Variants in OBSL1 observed in about 807,000 individuals in gnomAD.
OBSL1 encodes obscurin-like protein 1.
In OBSL1, 160 loss-of-function variants were observed where a neutral mutation model predicts 172.0. That is an observed-to-expected ratio of 0.93 (90% CI 0.82 to 1.06). The LOEUF (loss-of-function observed/expected upper bound fraction) is 1.06. Ranked by LOEUF, OBSL1 falls within the 50% of genes least tolerant of loss-of-function variation. OBSL1 has a pLI of 0.00. For missense variants in OBSL1, 2,681 were observed against 2,715.4 expected (o/e 0.99, Z 0.28); for synonymous variants, 1,200 against 1,196.3 (o/e 1.00, Z -0.06).
rs1403754954 is a variant in OBSL1, at chr2:219,568,073, C to A, written c.1264G>T (p.Ala422Ser). Residue 422 changes from alanine (A) to serine (S), a missense_variant, in exon 2 of 21, where the codon GCC (alanine) becomes TCC (serine). Physicochemically the swap from Ala to Ser is moderately conservative, Grantham distance 99. Around this residue, in one of 5 missense-constraint regions of OBSL1, gnomAD observed 706 missense variants for 695.8 expected, o/e 1.01. Coordinates refer to ENST00000404537, the MANE Select transcript of OBSL1 (RefSeq NM_015311.3). The surrounding 1 kb of genome is among the most constrained non-coding windows in gnomAD (Gnocchi z 4.1). ...CEMRGRVRTV[A>S]NVTVKGPILK... is the part of the protein sequence containing the mutation. ...AGCTGACCTTTGACTGTGACGTTGG[C>A]CACGGTGCGCACCCGGCCCCGCATC... 1 of 1,610,084 alleles carries A rather than the reference C, an allele frequency of 6.2e-7. No individual in the cohort carries two copies. Among genetic ancestry groups the A allele is most frequent in the Admixed American group, 1.7e-5 (1 of 59,976 alleles).
At chr2:219,555,695 C>T (rs1435409091) in intron 14 of OBSL1, 7 of 1,145,766 alleles carry the variant, frequency 6.1e-6, no homozygotes, top group Middle Eastern at 3.6e-4. Context: ...GACAGCCATC[C>T]CTGCTACTTA....
In OBSL1 at chr2:219,566,829, C is replaced by G; in HGVS notation, c.2134+1G>C. The G allele has an allele frequency of 6.3e-7, 1 of 1,575,040 alleles. No homozygotes were observed. The highest frequency in any genetic ancestry group is 8.7e-7 in the Non-Finnish European group (1 of 1,153,846). On this transcript the variant is annotated splice_donor_variant, in intron 5 of 20. Coordinates refer to ENST00000404537, the MANE Select transcript of OBSL1 (RefSeq NM_015311.3). LOFTEE classifies it high-confidence loss of function. ...CCACTCAGGTCCCCACTGGCACCAA[C>G]CTTGGATTGTGAGGGCAGCTGAGTC...
At chr2:219,553,216 G>C (rs1162966502) in intron 16 of OBSL1, among the ~76,000 whole-genome samples, 192 bp from the exon 17 acceptor site, 2 of 152,194 alleles carry the variant, frequency 1.3e-5, no homozygotes, top group African/African-American at 4.8e-5. Context: ...TTGAAAAAGC[G>C]TCACCCTTTG....
In OBSL1 at chr2:219,550,829, G is replaced by T; in HGVS notation, c.*6C>A. 6.2e-7 allele frequency: 1 copy of T among 1,611,654 alleles called. No individual in the cohort carries two copies. Among genetic ancestry groups the T allele is most frequent in the Non-Finnish European group, 8.5e-7 (1 of 1,178,984 alleles). The stretch of plus-strand genomic sequence containing the variant: ...AAGGGCACCCGCCTGGCCTGGTTAG[G>T]TTCTCCTAGTTGCCTGCAGAGGAAT... On this transcript the variant is annotated 3_prime_UTR_variant, in exon 21 of 21. Transcript: ENST00000404537.
Position 219,571,299 on chromosome 2 carries a change from A to C in OBSL1, c.-67T>G. 1.2e-6 allele frequency: 1 copy of C among 802,970 alleles called. No individual in the cohort carries two copies. 49.7% of individuals were successfully genotyped at this position (802,970 alleles called of 1,614,324 possible). ...AGGGGGGGGTGCGGAGGGCGAGCCG[A>C]GGCCCGGGGCGGCGGGGTCGGGGCG... On this transcript the variant is annotated 5_prime_UTR_variant, in exon 1 of 21. Transcript: ENST00000404537.
Position 219,552,664 on chromosome 2 carries a change from G to T in OBSL1, c.5180C>A (p.Ser1727Ter). The change falls in exon 18 of 21, where the codon TCG (serine) becomes TAG (stop). Residue 1727 changes from serine to a stop codon, truncating the protein, a stop_gained. Coordinates refer to ENST00000404537, the MANE Select transcript of OBSL1 (RefSeq NM_015311.3). LOFTEE classifies it high-confidence loss of function. ...GCCGTCGCCTTCGCGGGCGCTCACC[G>T]ACCGCAGCTCGGAGAGTACCGCCAC... is the stretch of plus-strand genomic sequence containing the variant. ...RTVAVLSELR[S>*]VSAREGDGAT... 2 of 1,540,022 alleles carry T rather than the reference G, an allele frequency of 1.3e-6. No individual in the cohort carries two copies. The highest frequency in any genetic ancestry group is 2.4e-5 in the East Asian group (1 of 41,290).
chr2:219,547,980 G>T, downstream of OBSL1: 1 of 1,585,078 alleles, frequency 6.3e-7, no homozygotes. Context: ...CCCCCACTCT[G>T]CTGGCGAAGC....
At position 219,563,186 on chromosome 2, in the gene OBSL1, C is replaced by G. The variant is rs909633428; in HGVS notation, c.2680+169G>C. On this transcript the variant is annotated intron_variant, in intron 7 of 20. Coordinates refer to ENST00000404537, the MANE Select transcript of OBSL1 (RefSeq NM_015311.3). Reference sequence around the variant, plus strand: ...CCAATGTGCTTATGATAACACGTTTCCTGAATGTGACTAGACCATAGCTTG... The same window carrying G: ...CCAATGTGCTTATGATAACACGTTTGCTGAATGTGACTAGACCATAGCTTG... 3 of 666,998 alleles carry G rather than the reference C, an allele frequency of 4.5e-6. No homozygotes were observed. In the Admixed American group the frequency reaches 9.0e-5, roughly 20 times the overall value. The allele number at this position is 666,998 out of a possible 1,614,324, so 41.3% of individuals were successfully genotyped here.
chr2:219,547,687 G>T, downstream of OBSL1: 1 of 1,563,018 alleles, frequency 6.4e-7, no homozygotes. Context: ...TGCGCAGCGT[G>T]GGCCTCTTCC....
In OBSL1 at chr2:219,565,408, T is replaced by G. The variant is rs375415154; in HGVS notation, c.2241A>C (p.Ala747=). 16 of 1,613,864 alleles carry G rather than the reference T, an allele frequency of 9.9e-6. No homozygotes were observed. The highest frequency in any genetic ancestry group is 1.3e-5 in the African/African-American group (1 of 74,930). The change falls in exon 6 of 21, where the codon GCA becomes GCC. Residue 747 remains alanine (A), a synonymous_variant. Coordinates refer to ENST00000404537, the MANE Select transcript of OBSL1 (RefSeq NM_015311.3). ...TCELSRVDFP[A]TWYKDGQKVE... ...CCTTCTGCCCATCCTTGTACCAGGT[T>G]GCCGGGAAGTCCACCCTTGAGAGCT...
intron 7 of OBSL1, chr2:219,563,009 G>T (rs891843739): frequency 1.5e-5 from 7 of 469,890 alleles, no homozygotes; most frequent in Non-Finnish European, 2.6e-5. Context: ...GGAGCTGGGG[G>T]TCTCCTCCTC....
Position 219,554,982 on chromosome 2 carries a change from C to T in OBSL1, c.4610-242G>A, listed in dbSNP as rs1042445912. ...AGGGGGAGAAGTGTGGTTAGGGGGT[C>T]GTGGAGTCTGGGTGAGGGGTGCTGT... On this transcript the variant is annotated intron_variant, in intron 14 of 20. Coordinates refer to ENST00000404537, the MANE Select transcript of OBSL1 (RefSeq NM_015311.3). Among the ~76,000 whole-genome samples the T allele has an allele frequency of 1.1e-4, 17 of 151,338 alleles. 1 individual carries two copies. The highest frequency in any genetic ancestry group is 4.2e-4 in the South Asian group (2 of 4,762).
Position 219,567,486 on chromosome 2 carries a change from C to G in OBSL1, c.1624G>C (p.Glu542Gln), listed in dbSNP as rs764966885. Residue 542 changes from glutamate (E) to glutamine (Q), a missense_variant, in exon 4 of 21, where the codon GAG (glutamate) becomes CAG (glutamine). Coordinates refer to ENST00000404537, the MANE Select transcript of OBSL1 (RefSeq NM_015311.3). ...NTVLLTWKPP[E>Q]PAPETPFIYR... ...ATGAATGGGGTCTCGGGAGCTGGCT[C>G]GGGAGGCTTCCAGGTCAACAGGACC... 6.2e-7 allele frequency: 1 copy of G among 1,613,512 alleles called. No homozygotes were observed. The highest frequency in any genetic ancestry group is 8.5e-7 in the Non-Finnish European group (1 of 1,179,732).
chr2:219,552,170 G>A lies in OBSL1; in HGVS notation c.5355C>T (p.Ala1785=), dbSNP rs1053639516. The A allele has an allele frequency of 3.7e-6, 6 of 1,611,272 alleles. No individual in the cohort carries two copies. The highest frequency in any genetic ancestry group is 1.7e-5 in the Admixed American group (1 of 59,760). ...LVLSELRAED[A]GEVRFQAGPA... is the part of the protein sequence containing the mutation. ...GCCCCGCCTGGAAGCGGACTTCACCGGCGTCCTCGGCGCGCAGCTCGCTAA... is the reference window on the plus strand; with the variant it reads ...GCCCCGCCTGGAAGCGGACTTCACCAGCGTCCTCGGCGCGCAGCTCGCTAA... Residue 1785 remains alanine (A), a synonymous_variant, in exon 19 of 21, where the codon GCC becomes GCT. Transcript: ENST00000404537.
rs931241789 is a variant in OBSL1, at chr2:219,562,340, G to A, written c.2953+62C>T. The A allele has an allele frequency of 1.0e-5, 16 of 1,573,452 alleles. No individual in the cohort carries two copies. The Admixed American group carries it at 1.9e-4, about 18-fold the overall frequency. Reference sequence around the variant, plus strand: ...CCGGGGTGCTAGCTGGGGCTATGTGGCCAGCTCCTCCAGGGCTCAGGGCTG... The same window carrying A: ...CCGGGGTGCTAGCTGGGGCTATGTGACCAGCTCCTCCAGGGCTCAGGGCTG... On this transcript the variant is annotated intron_variant, in intron 8 of 20. Coordinates refer to ENST00000404537, the MANE Select transcript of OBSL1 (RefSeq NM_015311.3).
At chr2:219,554,118 G>A (rs1263374705) in intron 15 of OBSL1, 11 of 409,846 alleles carry the variant, frequency 2.7e-5, no homozygotes, top group African/African-American at 1.6e-4. Flanking sequence ...ACACTTAGGC[G>A]GGCAGAGGGA....
At chr2:219,566,200 C>T (rs923965457) in intron 5 of OBSL1, among the ~76,000 whole-genome samples, 5 of 152,174 alleles carry the variant, frequency 3.3e-5, no homozygotes, top group Non-Finnish European at 7.3e-5. Flanking sequence ...GCCAACATGG[C>T]GAAGCCCCAT....
chr2:219,548,141 G>T, downstream of OBSL1: 1 of 1,418,120 alleles, frequency 7.1e-7, no homozygotes, highest in Non-Finnish European at 9.3e-7. Context: ...ATGGGTTGGG[G>T]GCCAAGTGAC....
Position 219,551,419 on chromosome 2 carries a change from C to T in OBSL1, c.5683+110G>A, listed in dbSNP as rs376721917. The T allele has an allele frequency of 1.6e-4, 228 of 1,407,658 alleles. No individual in the cohort carries two copies. In the Middle Eastern group the frequency reaches 2.3e-3, roughly 14 times the overall value. 87.2% of individuals were successfully genotyped at this position (1,407,658 alleles called of 1,614,324 possible). On this transcript the variant is annotated intron_variant, in intron 20 of 20. Transcript: ENST00000404537. The stretch of plus-strand genomic sequence containing the variant: ...CCCCATCCCCACCTCCTACGTATCC[C>T]AGGACCCGTTGCCACCCCAAGTTCT...
Sources: gnomAD v4.1 joint callset for allele counts (sites outside exome capture counted in the v4.1 genomes callset) on GRCh38, gnomAD v4.1.1 for gene constraint, gnomAD v4.1.1 regional missense constraint, Gnocchi (gnomAD v3.1) non-coding constraint, MANE v1.5 for transcripts, NCBI Gene and HGNC (gene_info 2026-07-23, HGNC 2026-07-21) for gene names.